The following SNX25 variants were observed in gnomAD, a reference collection of about 807,000 sequenced individuals.
The protein encoded by SNX25 is sorting nexin-25.
SNX25 carries 62 observed loss-of-function variants against 113.7 expected under a neutral mutation model. The observed-to-expected ratio is 0.55, with a 90% CI of 0.44 to 0.67. SNX25 has a LOEUF of 0.67. Among genes scored for constraint, SNX25 ranks in the 30% least tolerant of loss-of-function variants. The pLI, the probability that SNX25 is intolerant of heterozygous loss-of-function variation, is 0.00. For missense variants in SNX25, 1,014 were observed against 1,161.0 expected (o/e 0.87, Z 1.84); for synonymous variants, 421 against 436.2 (o/e 0.97, Z 0.43).
At chr4:185,262,337 A>G (rs149798086) in intron 3 of SNX25, among the ~76,000 whole-genome samples, 16 of 152,282 alleles carry the variant, frequency 1.1e-4, no homozygotes, top group Non-Finnish European at 1.6e-4. Flanking sequence ...TCGCTCCAGC[A>G]TGTTTTGGGA....
At chr4:185,310,614 T>C in intron 6 of SNX25, 21 bp from the exon 7 acceptor site, 1 of 1,606,600 alleles carries the variant, frequency 6.2e-7, no homozygotes, top group Non-Finnish European at 8.5e-7. Flanking sequence ...GACCAGGTAC[T>C]GTTTCTCACT....
chr4:185,378,496 C>G, the SNX25 span: 1 of 1,115,760 alleles, frequency 9.0e-7, no homozygotes, highest in Non-Finnish European at 1.1e-6. Context: ...CAAGATGGGT[C>G]AAGTCACCCA....
chr4:185,341,088 C>G lies in SNX25; in HGVS notation c.2047-888C>G, dbSNP rs190602730. Among the ~76,000 whole-genome samples, 259 of 152,302 alleles carry G rather than the reference C, an allele frequency of 1.7e-3. 1 individual carries two copies. Among genetic ancestry groups the G allele is most frequent in the Non-Finnish European group, 9.6e-4 (65 of 68,032 alleles). On this transcript the variant is annotated intron_variant, in intron 11 of 18. Transcript: ENST00000652585. ...CTCTTTCCCTGGCCTTTCTTATTGA[C>G]TCCTTCTCTCTCATTCAATTTATGA...
intron 2 of SNX25, among the ~76,000 whole-genome samples, chr4:185,257,256 G>A (rs1282229881): frequency 4.0e-5 from 6 of 151,356 alleles, no homozygotes; most frequent in Non-Finnish European, 8.8e-5. Context: ...GAGCAGGAGT[G>A]TGTAGCTAAA....
rs138029645 is a variant in SNX25 at position 185,353,544 on chromosome 4, A to G, written c.2526A>G (p.Lys842=). The change falls in exon 15 of 19, where the codon AAA becomes AAG. Residue 842 remains lysine, a synonymous_variant. Transcript: ENST00000652585. ...ATGGTGATGATGTGGATGGGAGGAAAGACGCCTTGGCTGAACCATGTTTCA... is the reference window on the plus strand; with the variant it reads ...ATGGTGATGATGTGGATGGGAGGAAGGACGCCTTGGCTGAACCATGTTTCA... ...SDYGDDVDGR[K]DALAEPCFML... 7.4e-6 allele frequency: 12 copies of G among 1,614,104 alleles called. No individual in the cohort carries two copies. Among genetic ancestry groups the G allele is most frequent in the Non-Finnish European group, 9.3e-6 (11 of 1,180,052 alleles).
chr4:185,330,481 C>T (rs2095186708), intron 9 of SNX25, among the ~76,000 whole-genome samples: 1 of 152,188 alleles, frequency 6.6e-6, no homozygotes, highest in Admixed American at 6.5e-5. Flanking sequence ...GATGGCGATG[C>T]TCCTGCTCTG....
At chr4:185,312,583 C>T (rs80142345) in intron 7 of SNX25, among the ~76,000 whole-genome samples, 15,054 of 149,992 alleles carry the variant, frequency 0.1, 897 homozygotes, top group South Asian at 0.18. Context: ...CATGCATTGG[C>T]GCGATATCGG....
Position 185,209,679 on chromosome 4 carries a change from G to T in SNX25, c.-148G>T. ...CGCCTGGTGGCGGCGCTGAGGGGTC[G>T]CCGAGAGGGGCCCGGCGGCGTCTGC... is the stretch of plus-strand genomic sequence containing the variant. On this transcript the variant is annotated 5_prime_UTR_variant, in exon 1 of 19. Transcript: ENST00000652585. This position sits in a 1 kb window ranked among gnomAD's most constrained non-coding sequence, Gnocchi z 5.2. 1.1e-6 allele frequency: 1 copy of T among 949,472 alleles called. No individual in the cohort carries two copies. Among genetic ancestry groups the T allele is most frequent in the Non-Finnish European group, 1.3e-6 (1 of 797,514 alleles). The allele number at this position is 949,472 out of a possible 1,614,324, so 58.8% of individuals were successfully genotyped here.
chr4:185,360,502 T>C (rs186866222), intron 16 of SNX25, among the ~76,000 whole-genome samples: 1 of 152,198 alleles, frequency 6.6e-6, no homozygotes, highest in South Asian at 2.1e-4. Context: ...AATTTGAAAT[T>C]TGAGGTCTTT....
intron 16 of SNX25, among the ~76,000 whole-genome samples, chr4:185,358,119 C>T (rs1436687256): frequency 1.3e-5 from 2 of 152,168 alleles, no homozygotes; most frequent in African/African-American, 4.8e-5. Flanking sequence ...GTAGGATGAG[C>T]ATCACATGGC....
the SNX25 span, chr4:185,376,824 A>G: frequency 1.5e-5 from 13 of 888,560 alleles, no homozygotes; most frequent in Middle Eastern, 3.1e-4. Flanking sequence ...AGTATAACAC[A>G]GTAAGAAACT....
chr4:185,214,220 G>A (rs1404812081), intron 1 of SNX25, among the ~76,000 whole-genome samples: 2 of 151,844 alleles, frequency 1.3e-5, no homozygotes, highest in African/African-American at 4.8e-5. Context: ...AAATAAATAG[G>A]CAGTTGCCAA....
At chr4:185,342,538 CAGTA>C (rs2095265144) in intron 12 of SNX25, among the ~76,000 whole-genome samples, 1 of 150,688 alleles carries the variant, frequency 6.6e-6, no homozygotes, top group African/African-American at 2.5e-5. Context: ...ACAAGGGAGG[CAGTA>C]AGGTGCGGTG....
rs546083196 is a variant in SNX25, at chr4:185,212,491, G to GTGTTTGTTTT, written c.429+2237_429+2238insGTTTGTTTTT. Among the ~76,000 whole-genome samples the GTGTTTGTTTT allele has an allele frequency of 1.8e-4, 19 of 104,938 alleles. 2 individuals are homozygous for GTGTTTGTTTT. The highest frequency in any genetic ancestry group is 1.3e-3 in the Admixed American group (12 of 9,430). The allele number at this position is 104,938 out of a possible 152,430, so 68.8% of individuals were successfully genotyped here. ...TGTGTGTGTGTGTGTGTGTGTGTGTGTTTTTTTTTTTTTTTGCTTTGAGAC... is the reference window on the plus strand; with the variant it reads ...TGTGTGTGTGTGTGTGTGTGTGTGTGTGTTTGTTTTTTTTTTTTTTTTTTTGCTTTGAGAC... On this transcript the variant is annotated intron_variant, in intron 1 of 18. Coordinates refer to ENST00000652585, the MANE Select transcript of SNX25 (RefSeq NM_001378034.2).
intron 9 of SNX25, among the ~76,000 whole-genome samples, chr4:185,324,010 A>C (rs1218456959): frequency 6.6e-6 from 1 of 152,154 alleles, no homozygotes; most frequent in Non-Finnish European, 1.5e-5. Flanking sequence ...GGTTGTATGT[A>C]TTTCTTTCTT....
chr4:185,310,500 G>A (rs1755095186), intron 6 of SNX25, 135 bp from the exon 7 acceptor site: 1 of 568,436 alleles, frequency 1.8e-6, no homozygotes, highest in Non-Finnish European at 2.9e-6. Context: ...TATTTATCAT[G>A]GATTCTGTTC....
At chr4:185,216,501 A>AGT (rs1272026923) in intron 1 of SNX25, among the ~76,000 whole-genome samples, 1 of 149,774 alleles carries the variant, frequency 6.7e-6, no homozygotes, top group East Asian at 2.0e-4. Flanking sequence ...AAATGACAAA[A>AGT]GTGTGTATTT....
intron 6 of SNX25, among the ~76,000 whole-genome samples, chr4:185,293,991 G>C (rs1752522461): frequency 6.6e-6 from 1 of 152,086 alleles, no homozygotes; most frequent in Non-Finnish European, 1.5e-5. Context: ...TCTAGGACCT[G>C]GATAATGCTA....
intron 1 of SNX25, among the ~76,000 whole-genome samples, chr4:185,212,528 T>C (rs1196900804): frequency 7.3e-6 from 1 of 136,956 alleles, no homozygotes; most frequent in Admixed American, 8.2e-5. Context: ...GGGTCTGCTC[T>C]GTCGTGCAAG....
Sources: gnomAD v4.1 joint callset for allele counts (sites outside exome capture counted in the v4.1 genomes callset) on GRCh38, gnomAD v4.1.1 for gene constraint, Gnocchi (gnomAD v3.1) non-coding constraint, MANE v1.5 for transcripts, NCBI Gene and HGNC (gene_info 2026-07-23, HGNC 2026-07-21) for gene names.